The following VWC2 variants were observed in gnomAD, a reference collection of about 807,000 sequenced individuals.
VWC2 encodes the protein brorin.
In VWC2, 14 loss-of-function variants were observed where a neutral mutation model predicts 29.8. The ratio of observed to expected loss-of-function variants is 0.47; its 90% confidence interval spans 0.31 to 0.74. The LOEUF is 0.74. VWC2 is among the 30% of genes least tolerant of loss of function. The pLI is 0.05. For missense variants in VWC2, 457 were observed against 459.8 expected, an observed-to-expected ratio of 0.99 and a Z score of 0.05; for synonymous variants, 213 against 199.0, an observed-to-expected ratio of 1.07 and a Z score of -0.59.
intron 2 of VWC2, among the ~76,000 whole-genome samples, chr7:49,800,122 A>G (rs574972138): frequency 1.3e-5 from 2 of 152,358 alleles, no homozygotes; most frequent in Non-Finnish European, 2.9e-5. Context: ...GCCTGTGTGC[A>G]TGCCTTTAAG....
intron 3 of VWC2, among the ~76,000 whole-genome samples, chr7:49,805,273 G>A (rs762216350): frequency 6.6e-6 from 1 of 152,154 alleles, no homozygotes; most frequent in Non-Finnish European, 1.5e-5. Flanking sequence ...GTATGGGATG[G>A]AATAAGGCAA....
intron 3 of VWC2, among the ~76,000 whole-genome samples, chr7:49,850,098 C>T (rs997138001): frequency 2.6e-5 from 4 of 152,110 alleles, no homozygotes; most frequent in African/African-American, 9.7e-5. Context: ...TGTAGAAAAA[C>T]CAAGCCTAGC....
chr7:49,851,813 G>A (rs1790189639), intron 3 of VWC2, among the ~76,000 whole-genome samples: 1 of 151,564 alleles, frequency 6.6e-6, no homozygotes. Context: ...CCGAGCTTGC[G>A]CCATTGCACT....
At chr7:49,815,452 T>G (rs563682549) in intron 3 of VWC2, among the ~76,000 whole-genome samples, 58 of 152,228 alleles carry the variant, frequency 3.8e-4, no homozygotes, top group Admixed American at 2.6e-4. Context: ...GTTGTGTAAA[T>G]GTATAAAGCC....
intron 3 of VWC2, among the ~76,000 whole-genome samples, chr7:49,870,521 CA>C (rs1791104943): frequency 6.6e-6 from 1 of 152,114 alleles, no homozygotes; most frequent in Admixed American, 6.5e-5. Flanking sequence ...TAAAACTAAA[CA>C]TTTTAAGAGG....
intron 3 of VWC2, among the ~76,000 whole-genome samples, chr7:49,887,115 G>A (rs1039645108): frequency 1.4e-4 from 21 of 152,140 alleles, no homozygotes; most frequent in Non-Finnish European, 3.1e-4. Flanking sequence ...ATCCTTTATC[G>A]ACAAGGGTTT....
intron 3 of VWC2, among the ~76,000 whole-genome samples, chr7:49,870,437 T>C (rs112752173): frequency 0.028 from 4,223 of 152,232 alleles, 164 homozygotes; most frequent in South Asian, 0.13. Flanking sequence ...ATATTATGAT[T>C]GGGGTGGTAG....
intron 2 of VWC2, among the ~76,000 whole-genome samples, chr7:49,787,583 G>T (rs1788328563): frequency 6.6e-6 from 1 of 152,226 alleles, no homozygotes; most frequent in Admixed American, 6.5e-5. Flanking sequence ...CAGGTGGCCA[G>T]ATGCTCACCT....
chr7:49,897,185 G>A (rs1014681690), intron 3 of VWC2, among the ~76,000 whole-genome samples: 5 of 151,910 alleles, frequency 3.3e-5, no homozygotes, highest in East Asian at 1.9e-4. Flanking sequence ...GTGAGCCACC[G>A]CGCCCGGCCG....
chr7:49,905,295 G>C lies in VWC2; in HGVS notation c.827-6739G>C, dbSNP rs539991512. Among the ~76,000 whole-genome samples, 4 of 152,298 alleles carry C rather than the reference G, an allele frequency of 2.6e-5. No individual in the cohort carries two copies. In the South Asian group the frequency reaches 8.3e-4, roughly 32 times the overall value. On this transcript the variant is annotated intron_variant, in intron 3 of 3. Transcript: ENST00000340652. ...AGAGTACATGATAGCTATGGAAAGT[G>C]ACCATTCATCACTCAGCCATCTCCA...
chr7:49,775,533 T>G lies in VWC2; in HGVS notation c.98T>G (p.Leu33Arg). ...GCTCTGTGCAGTCCGAGCATCCCGC[T>G]GGAGAAGCTGGCCCAGGCACCAGAG... ...MVALCSPSIP[L>R]EKLAQAPEQP... The change falls in exon 2 of 4, where the codon CTG (leucine) becomes CGG (arginine). Residue 33 changes from leucine (L) to arginine (R), a missense_variant. Coordinates refer to ENST00000340652, the MANE Select transcript of VWC2 (RefSeq NM_198570.5). The G allele has an allele frequency of 6.4e-7, 1 of 1,570,246 alleles. No individual in the cohort carries two copies. The highest frequency in any genetic ancestry group is 8.6e-7 in the Non-Finnish European group (1 of 1,162,290).
Position 49,776,014 on chromosome 7 carries a change from G to T in VWC2, c.579G>T (p.Pro193=). 3 of 1,545,030 alleles carry T rather than the reference G, an allele frequency of 1.9e-6. No homozygotes were observed. Among genetic ancestry groups the T allele is most frequent in the Non-Finnish European group, 2.6e-6 (3 of 1,149,946 alleles). Residue 193 remains proline, a synonymous_variant, in exon 2 of 4, where the codon CCG becomes CCT. Transcript: ENST00000340652. ...CGCTGTGCGCGCAGCCCGAGTGCCC[G>T]AGGCTGCACCCGCGCTGCATCCACG... ...EGPLCAQPEC[P]RLHPRCIHVD... is the part of the protein sequence containing the mutation.
chr7:49,833,737 A>G (rs969182045), intron 3 of VWC2, among the ~76,000 whole-genome samples: 6 of 152,184 alleles, frequency 3.9e-5, no homozygotes, highest in Non-Finnish European at 8.8e-5. Flanking sequence ...CAGGGAATCA[A>G]CCCTGTCCAG....
At chr7:49,826,863 T>A (rs940534548) in intron 3 of VWC2, among the ~76,000 whole-genome samples, 4 of 151,638 alleles carry the variant, frequency 2.6e-5, no homozygotes, top group Non-Finnish European at 5.9e-5. Context: ...ATAAATATAC[T>A]TTTTTTTCCT....
intron 3 of VWC2, among the ~76,000 whole-genome samples, chr7:49,903,971 G>A (rs1435731735): frequency 1.3e-5 from 2 of 152,128 alleles, no homozygotes; most frequent in Non-Finnish European, 2.9e-5. Flanking sequence ...GATCAGATGT[G>A]ACATTTACAT....
At position 49,901,930 on chromosome 7, in the gene VWC2, A is replaced by G. The variant is rs571456635; in HGVS notation, c.827-10104A>G. Among the ~76,000 whole-genome samples the G allele has an allele frequency of 2.9e-5, 4 of 139,644 alleles. No homozygotes were observed. In the South Asian group the frequency reaches 9.4e-4, roughly 33 times the overall value. The allele number at this position is 139,644 out of a possible 152,430, so 91.6% of individuals were successfully genotyped here. ...TTGCTAACAGAGTAAACATAGTACA[A>G]TGGAACAATGATAGTTTTTTCAACG... On this transcript the variant is annotated intron_variant, in intron 3 of 3. Coordinates refer to ENST00000340652, the MANE Select transcript of VWC2 (RefSeq NM_198570.5).
chr7:49,793,078 A>G (rs1411797346), intron 2 of VWC2, among the ~76,000 whole-genome samples: 7 of 152,176 alleles, frequency 4.6e-5, no homozygotes, highest in Admixed American at 3.3e-4. Context: ...TTGCTTTCTT[A>G]TGGAAGAGCT....
At chr7:49,880,908 G>C (rs1203452607) in intron 3 of VWC2, among the ~76,000 whole-genome samples, 1 of 152,112 alleles carries the variant, frequency 6.6e-6, no homozygotes, top group African/African-American at 2.4e-5. Context: ...AGAAAAGATT[G>C]GGCACGTTCA....
intron 2 of VWC2, among the ~76,000 whole-genome samples, chr7:49,776,492 A>G (rs1788056936): frequency 6.6e-6 from 1 of 152,240 alleles, no homozygotes; most frequent in African/African-American, 2.4e-5. Context: ...TTTCAAACAC[A>G]GGGTAATTTA....
Sources: gnomAD v4.1 joint callset for allele counts (sites outside exome capture counted in the v4.1 genomes callset) on GRCh38, gnomAD v4.1.1 for gene constraint, MANE v1.5 for transcripts, NCBI Gene and HGNC (gene_info 2026-07-23, HGNC 2026-07-21) for gene names.